FBXO21: variants seen among roughly 807,000 people sequenced by gnomAD.
The protein encoded by FBXO21 is F-box only protein 21.
FBXO21 carries 32 observed loss-of-function variants against 76.6 expected under a neutral mutation model. The observed-to-expected ratio is 0.42, with a 90% confidence interval of 0.32 to 0.56. The LOEUF (loss-of-function observed/expected upper bound fraction) is 0.56, where lower values mean the gene tolerates loss of function less well. FBXO21 is among the 20% of genes least tolerant of loss of function. FBXO21 has a pLI of 0.16. For missense variants in FBXO21, 586 were observed against 797.3 expected, an observed-to-expected ratio of 0.73 and a Z score of 3.19; for synonymous variants, 328 against 311.5, an observed-to-expected ratio of 1.05 and a Z score of -0.56.
chr12:117,178,397 A>C (rs1189877284), intron 3 of FBXO21, among the ~76,000 whole-genome samples: 1 of 152,056 alleles, frequency 6.6e-6, no homozygotes, highest in Non-Finnish European at 1.5e-5. Context: ...CCCGCTTCAG[A>C]CCTGGCCCCT....
intron 7 of FBXO21, among the ~76,000 whole-genome samples, chr12:117,168,228 C>A (rs567953202): frequency 8.5e-5 from 13 of 152,324 alleles, no homozygotes; most frequent in Middle Eastern, 3.4e-3. Context: ...TTATAACCTA[C>A]CCTTAGCAAG....
intron 11 of FBXO21, among the ~76,000 whole-genome samples, chr12:117,154,857 G>C (rs1039638941): frequency 2.6e-5 from 4 of 152,170 alleles, no homozygotes; most frequent in African/African-American, 9.7e-5. Context: ...TCAAAACTCA[G>C]ACATGAGCAG....
In FBXO21 at chr12:117,174,300, CCTGGCT is replaced by C; in HGVS notation, c.775_780del (p.Ser259_Gln260del). ...AGGACATAGTTCATGGCATCCAGCA[CCTGGCT>C]CTGGAGTTCTATTTCCATTATCATG... On this transcript the variant is annotated inframe_deletion, in exon 6 of 12. Coordinates refer to ENST00000622495, the MANE Select transcript of FBXO21 (RefSeq NM_015002.3). The C allele has an allele frequency of 6.2e-7, 1 of 1,614,042 alleles. No homozygotes were observed. Among genetic ancestry groups the C allele is most frequent in the Non-Finnish European group, 8.5e-7 (1 of 1,179,908 alleles).
At chr12:117,146,887 G>A (rs1056746368) in intron 11 of FBXO21, among the ~76,000 whole-genome samples, 2 of 152,132 alleles carry the variant, frequency 1.3e-5, no homozygotes, top group African/African-American at 4.8e-5. Context: ...GTTATTATCT[G>A]TACCATCTCT....
chr12:117,181,839 C>T (rs1234230425), intron 3 of FBXO21, among the ~76,000 whole-genome samples: 5 of 152,040 alleles, frequency 3.3e-5, no homozygotes, highest in Admixed American at 1.3e-4. Flanking sequence ...TCAGTAGAGA[C>T]GGCGTTTCTC....
chr12:117,180,804 T>A (rs550260750), intron 3 of FBXO21, among the ~76,000 whole-genome samples: 57 of 151,926 alleles, frequency 3.8e-4, no homozygotes, highest in African/African-American at 1.1e-3. Context: ...TTTTTTTTTT[T>A]ATGTATTTTT....
chr12:117,177,830 T>C (rs924866272), intron 3 of FBXO21, among the ~76,000 whole-genome samples, 189 bp from the exon 4 acceptor site: 4 of 152,216 alleles, frequency 2.6e-5, no homozygotes, highest in Non-Finnish European at 5.9e-5. Flanking sequence ...TACTGAAATC[T>C]GAGGAACAGT....
chr12:117,146,177 C>T lies in FBXO21; in HGVS notation c.1776G>A (p.Glu592=). ...FTGTHYIPNA[E]LEIRYPEDLE... ...GATCTTCTGGATACCGGATCTCCAG[C>T]TCTGCGTTTGGGATGTAGTGAGTGC... Residue 592 remains glutamate (E), a synonymous_variant, in exon 12 of 12, where the codon GAG becomes GAA. Coordinates refer to ENST00000622495, the MANE Select transcript of FBXO21 (RefSeq NM_015002.3). The T allele has an allele frequency of 1.9e-6, 3 of 1,614,138 alleles. No individual in the cohort carries two copies. Among genetic ancestry groups the T allele is most frequent in the Non-Finnish European group, 1.7e-6 (2 of 1,179,988 alleles).
At chr12:117,175,718 C>T (rs1457313088) in intron 4 of FBXO21, among the ~76,000 whole-genome samples, 1 of 152,188 alleles carries the variant, frequency 6.6e-6, no homozygotes, top group Non-Finnish European at 1.5e-5. Context: ...CTTCCTAATG[C>T]TATGATTCCC....
intron 11 of FBXO21, among the ~76,000 whole-genome samples, chr12:117,154,041 G>A (rs896645784): frequency 6.6e-6 from 1 of 152,188 alleles, no homozygotes; most frequent in African/African-American, 2.4e-5. Flanking sequence ...GGCCCACGGT[G>A]TTGTTGAAAA....
intron 9 of FBXO21, among the ~76,000 whole-genome samples, chr12:117,161,280 A>G (rs533800357): frequency 2.0e-5 from 3 of 152,212 alleles, no homozygotes; most frequent in South Asian, 2.1e-4. Context: ...AGCACATGCA[A>G]AAGACTGAAG....
At chr12:117,157,635 CACT>C (rs10531626) in intron 10 of FBXO21, among the ~76,000 whole-genome samples, 27,396 of 152,076 alleles carry the variant, frequency 0.18, 3,173 homozygotes, top group Admixed American at 0.35. Context: ...CCACTAAAAA[CACT>C]AGAAGATCTC....
At chr12:117,158,387 C>A (rs1955941145) in intron 9 of FBXO21, among the ~76,000 whole-genome samples, 1 of 152,182 alleles carries the variant, frequency 6.6e-6, no homozygotes, top group Admixed American at 6.5e-5. Flanking sequence ...TGAGGGCCCA[C>A]CACCTAGGGC....
chr12:117,181,300 T>C (rs140882989), intron 3 of FBXO21, among the ~76,000 whole-genome samples: 3 of 152,336 alleles, frequency 2.0e-5, no homozygotes, highest in African/African-American at 4.8e-5. Context: ...TTGGTTGACA[T>C]TTCCTTAGAT....
At chr12:117,173,768 A>G (rs546396386) in intron 6 of FBXO21, among the ~76,000 whole-genome samples, 1 of 152,338 alleles carries the variant, frequency 6.6e-6, no homozygotes, top group African/African-American at 2.4e-5. Flanking sequence ...CAGAAGGAAA[A>G]ATAAGTTTCA....
rs1218544879 is a variant in FBXO21, at chr12:117,142,890, A to G, written c.*3197T>C. ...AGTTTTCTCCGTGGGGAAAGATCGG[A>G]ACACTTACAAATGAGAACGGGACTT... On this transcript the variant is annotated 3_prime_UTR_variant, in exon 12 of 12. Coordinates refer to ENST00000622495, the MANE Select transcript of FBXO21 (RefSeq NM_015002.3). 6.6e-6 allele frequency: 1 copy of G among 152,168 alleles called. No homozygotes were observed. Among genetic ancestry groups the G allele is most frequent in the South Asian group, 2.1e-4 (1 of 4,836 alleles). The allele number at this position is 152,168 out of a possible 1,614,324, so 9.4% of individuals were successfully genotyped here.
intron 8 of FBXO21, among the ~76,000 whole-genome samples, chr12:117,166,259 C>T (rs1442233127): frequency 6.6e-6 from 1 of 151,094 alleles, no homozygotes; most frequent in Admixed American, 6.6e-5. Flanking sequence ...AGTGAAACTA[C>T]TCTGTGTGAT....
At chr12:117,173,117 CTTTCGG>C (rs923160498) in intron 6 of FBXO21, among the ~76,000 whole-genome samples, 8 of 152,164 alleles carry the variant, frequency 5.3e-5, no homozygotes, top group South Asian at 4.2e-4. Flanking sequence ...TCACTGCAAC[CTTTCGG>C]GTACAAGCAA....
At chr12:117,186,855 A>G (rs1956288220) in intron 2 of FBXO21, among the ~76,000 whole-genome samples, 1 of 152,232 alleles carries the variant, frequency 6.6e-6, no homozygotes, top group South Asian at 2.1e-4. Flanking sequence ...GGCCGGCCAT[A>G]GTGGTTCATG....
Sources: gnomAD v4.1 joint callset for allele counts (sites outside exome capture counted in the v4.1 genomes callset) on GRCh38, gnomAD v4.1.1 for gene constraint, MANE v1.5 for transcripts, NCBI Gene and HGNC (gene_info 2026-07-23, HGNC 2026-07-21) for gene names.